The following DCC variants were observed in gnomAD, a reference collection of about 807,000 sequenced individuals.
The protein encoded by DCC is DCC netrin 1 receptor, also known as netrin receptor DCC.
A neutral mutation model predicts 172.5 loss-of-function variants in DCC; 58 were observed. The ratio of observed to expected loss-of-function variants is 0.34; its 90% CI spans 0.27 to 0.42. The LOEUF (loss-of-function observed/expected upper bound fraction) is 0.42, where lower values mean the gene tolerates loss of function less well. Among genes scored for constraint, DCC ranks in the 10% least tolerant of loss-of-function variants. The pLI is 1.00. For synonymous variants in DCC, 709 were observed against 644.5 expected (o/e 1.10, Z -1.52); for missense variants, 1,740 against 1,791.0 (o/e 0.97, Z 0.51).
chr18:52,560,415 A>C (rs1449243701), intron 1 of DCC, among the ~76,000 whole-genome samples: 1 of 152,226 alleles, frequency 6.6e-6, no homozygotes, highest in Non-Finnish European at 1.5e-5. Flanking sequence ...AAAGAGCTAG[A>C]CTTGCCCTGG....
At chr18:53,250,158 A>C (rs1243317948) in intron 12 of DCC, among the ~76,000 whole-genome samples, 2 of 151,926 alleles carry the variant, frequency 1.3e-5, no homozygotes, top group Non-Finnish European at 2.9e-5. Context: ...AATTTCCCTC[A>C]AGAAGTAGCT....
At chr18:53,042,970 T>G (rs577474570) in intron 5 of DCC, among the ~76,000 whole-genome samples, 1 of 152,082 alleles carries the variant, frequency 6.6e-6, no homozygotes, top group Admixed American at 6.6e-5. Flanking sequence ...TTACTGGGCA[T>G]ATACCCAAAG....
chr18:52,437,559 G>A (rs1987836454), intron 1 of DCC, among the ~76,000 whole-genome samples: 1 of 152,204 alleles, frequency 6.6e-6, no homozygotes, highest in South Asian at 2.1e-4. Flanking sequence ...GATGGTTAAA[G>A]ATAGGGGCGC....
chr18:53,139,381 C>T (rs898482355), intron 7 of DCC, among the ~76,000 whole-genome samples: 1 of 152,064 alleles, frequency 6.6e-6, no homozygotes, highest in Non-Finnish European at 1.5e-5. Flanking sequence ...TGTTATTTGT[C>T]TTTAAAATGA....
chr18:53,296,304 TTC>T (rs1277311444), intron 12 of DCC, among the ~76,000 whole-genome samples: 5 of 152,134 alleles, frequency 3.3e-5, no homozygotes, highest in African/African-American at 1.2e-4. Context: ...CTCTCTCTTT[TTC>T]TCTTTCCCTT....
chr18:52,927,078 TGTATATACAC>T (rs1469111344), intron 5 of DCC, among the ~76,000 whole-genome samples: 1 of 120,974 alleles, frequency 8.3e-6, no homozygotes. Flanking sequence ...CACATATATG[TGTATATACAC>T]GTATATACGT....
At chr18:53,145,533 T>G (rs921531331) in intron 7 of DCC, among the ~76,000 whole-genome samples, 2 of 139,530 alleles carry the variant, frequency 1.4e-5, no homozygotes, top group Admixed American at 6.8e-5. Context: ...TTACCAGACA[T>G]CGACTCTGAT....
intron 1 of DCC, among the ~76,000 whole-genome samples, chr18:52,732,375 T>C (rs1271971156): frequency 6.6e-6 from 1 of 152,196 alleles, no homozygotes; most frequent in African/African-American, 2.4e-5. Flanking sequence ...GATTGTGTCT[T>C]ATCCACGATT....
chr18:52,362,114 C>T (rs560682791), intron 1 of DCC, among the ~76,000 whole-genome samples: 1 of 152,214 alleles, frequency 6.6e-6, no homozygotes, highest in African/African-American at 2.4e-5. Context: ...TTTGCTAACT[C>T]ATATACACCA....
intron 1 of DCC, among the ~76,000 whole-genome samples, chr18:52,666,901 T>C (rs2035467176): frequency 6.6e-6 from 1 of 152,208 alleles, no homozygotes. Flanking sequence ...GGTATTTTGA[T>C]GAAAAATAAT....
intron 1 of DCC, among the ~76,000 whole-genome samples, chr18:52,342,636 A>AC (rs1456118349): frequency 6.6e-6 from 1 of 152,196 alleles, no homozygotes; most frequent in Non-Finnish European, 1.5e-5. Context: ...GGGGAAGTTC[A>AC]GGGGGCATCC....
chr18:52,723,821 G>A (rs997797367), intron 1 of DCC, among the ~76,000 whole-genome samples: 2 of 152,172 alleles, frequency 1.3e-5, no homozygotes, highest in South Asian at 4.1e-4. Flanking sequence ...CAGATGAAAT[G>A]AACCAGAGAG....
chr18:52,720,217 A>G (rs2036452410), intron 1 of DCC, among the ~76,000 whole-genome samples: 1 of 152,142 alleles, frequency 6.6e-6, no homozygotes, highest in South Asian at 2.1e-4. Context: ...AGATCTGTAG[A>G]GCTCCATCAT....
intron 5 of DCC, among the ~76,000 whole-genome samples, chr18:52,948,470 C>G (rs1196820776): frequency 6.6e-6 from 1 of 152,126 alleles, no homozygotes. Flanking sequence ...ATACCGGATA[C>G]TGTGCAATAT....
At chr18:52,377,541 T>C (rs564194842) in intron 1 of DCC, among the ~76,000 whole-genome samples, 1 of 152,280 alleles carries the variant, frequency 6.6e-6, no homozygotes, top group Non-Finnish European at 1.5e-5. Flanking sequence ...ATTGTTGTCT[T>C]TTGTCTTAAA....
chr18:52,838,458 T>C (rs889780275), intron 2 of DCC, among the ~76,000 whole-genome samples: 1 of 152,144 alleles, frequency 6.6e-6, no homozygotes, highest in Non-Finnish European at 1.5e-5. Context: ...ACAATGTCAG[T>C]GATTGTACTG....
intron 1 of DCC, among the ~76,000 whole-genome samples, chr18:52,524,679 G>C (rs1356878664): frequency 6.6e-6 from 1 of 152,188 alleles, no homozygotes; most frequent in Admixed American, 6.5e-5. Context: ...CTCTGGTGAT[G>C]AACAGTGGAG....
At chr18:53,078,263 C>A (rs1370511232) in intron 7 of DCC, among the ~76,000 whole-genome samples, 5 of 151,968 alleles carry the variant, frequency 3.3e-5, no homozygotes, top group Non-Finnish European at 5.9e-5. Flanking sequence ...TGCACTCCAG[C>A]CTGGGCAACA....
intron 1 of DCC, among the ~76,000 whole-genome samples, chr18:52,736,242 A>G (rs565075341): frequency 1.8e-4 from 28 of 151,842 alleles, no homozygotes; most frequent in African/African-American, 6.3e-4. Context: ...TAGGATCAAA[A>G]GAGGCTGTTA....
Sources: allele counts gnomAD v4.1 joint callset (sites outside exome capture counted in the v4.1 genomes callset), GRCh38; gene constraint gnomAD v4.1.1; transcripts MANE v1.5; gene names NCBI Gene and HGNC (gene_info 2026-07-23, HGNC 2026-07-21).